The following ZNF277 variants were observed in gnomAD, a reference collection of about 807,000 sequenced individuals.
ZNF277 encodes nuclear receptor-interacting factor 4.
ZNF277 carries 55 observed loss-of-function variants against 60.7 expected under a neutral mutation model. That is an observed-to-expected ratio of 0.91 (90% CI 0.73 to 1.13). The LOEUF (loss-of-function observed/expected upper bound fraction) is 1.13. ZNF277 is among the 50% of genes most tolerant of loss of function. The pLI, the probability that ZNF277 is intolerant of heterozygous loss-of-function variation, is 0.00. For missense variants in ZNF277, 510 were observed against 523.0 expected (o/e 0.98, Z 0.24); for synonymous variants, 178 against 179.3 (o/e 0.99, Z 0.06).
At chr7:112,232,895 A>G (rs1196773323) in intron 1 of ZNF277, among the ~76,000 whole-genome samples, 2 of 152,070 alleles carry the variant, frequency 1.3e-5, no homozygotes, top group African/African-American at 4.8e-5. Flanking sequence ...TATATTTATT[A>G]TCTTCTGACC....
At chr7:112,322,157 T>C (rs1030078640) in intron 5 of ZNF277, among the ~76,000 whole-genome samples, 21 of 151,366 alleles carry the variant, frequency 1.4e-4, no homozygotes, top group African/African-American at 5.1e-4. Context: ...TTTGTCCTAC[T>C]TGAAGTTTAT....
chr7:112,335,886 C>CTTCA (rs1793319220), intron 7 of ZNF277, among the ~76,000 whole-genome samples: 1 of 152,128 alleles, frequency 6.6e-6, no homozygotes, highest in South Asian at 2.1e-4. Context: ...AAGGTTTCAA[C>CTTCA]TTCATATTGC....
chr7:112,290,339 A>T (rs936957241), intron 2 of ZNF277, among the ~76,000 whole-genome samples: 4 of 152,092 alleles, frequency 2.6e-5, no homozygotes, highest in African/African-American at 9.7e-5. Flanking sequence ...GTACTAATCA[A>T]TCTCTCTATT....
intron 4 of ZNF277, among the ~76,000 whole-genome samples, chr7:112,309,205 C>A (rs1238242395): frequency 6.6e-6 from 1 of 151,900 alleles, no homozygotes; most frequent in African/African-American, 2.4e-5. Context: ...CAAGAGTCAA[C>A]CCAAATGTCT....
intron 1 of ZNF277, among the ~76,000 whole-genome samples, chr7:112,240,179 A>G (rs1790913943): frequency 1.3e-5 from 2 of 152,222 alleles, no homozygotes; most frequent in South Asian, 4.1e-4. Context: ...GAAGACTAGA[A>G]GAAAGGAAAG....
chr7:112,218,920 A>G (rs756098250), intron 1 of ZNF277, among the ~76,000 whole-genome samples: 1 of 152,238 alleles, frequency 6.6e-6, no homozygotes, highest in Non-Finnish European at 1.5e-5. Context: ...TAATGCTGCA[A>G]TGAACATAGG....
intron 1 of ZNF277, among the ~76,000 whole-genome samples, chr7:112,256,704 C>T (rs186678392): frequency 1.3e-5 from 2 of 152,184 alleles, no homozygotes; most frequent in African/African-American, 4.8e-5. Context: ...CCTCAGCCTC[C>T]CAAAGTGCTG....
rs538901128 is a variant in ZNF277, at chr7:112,330,172, C to G, written c.757C>G (p.Pro253Ala). The G allele has an allele frequency of 1.6e-5, 26 of 1,612,840 alleles. No homozygotes were observed. The highest frequency in any genetic ancestry group is 1.9e-5 in the Non-Finnish European group (23 of 1,179,668). The change falls in exon 7 of 12, where the codon CCT becomes GCT. Residue 253 changes from proline (P) to alanine (A), a missense_variant. Physicochemically the swap from Pro to Ala is conservative, Grantham distance 27. Transcript: ENST00000361822. ...GAAAAAACAGCATCGTAAGATTAAT[C>G]CTAAGAACAGAGAATATGACAGATT... is the stretch of plus-strand genomic sequence containing the variant. The part of the protein sequence containing the change: ...MRKKQHRKIN[P>A]KNREYDRFYV...
chr7:112,285,624 C>T (rs540536369), intron 1 of ZNF277, among the ~76,000 whole-genome samples: 183 of 151,450 alleles, frequency 1.2e-3, no homozygotes, highest in Middle Eastern at 6.8e-3. Flanking sequence ...TTAGTAGAGA[C>T]GGGGTTTTAC....
rs544483159 is a variant in ZNF277, at chr7:112,218,067, G to A, written c.91+11260G>A. ...CCCAAATTTGGGGAGATTGATTTGA[G>A]TAATAATAAAACTCCAGTCTCCTGT... On this transcript the variant is annotated intron_variant, in intron 1 of 11. Coordinates refer to ENST00000361822, the MANE Select transcript of ZNF277 (RefSeq NM_021994.3). Among the ~76,000 whole-genome samples the A allele has an allele frequency of 3.9e-4, 59 of 152,240 alleles. No individual in the cohort carries two copies. In the South Asian group the frequency reaches 5.6e-3, roughly 14 times the overall value.
intron 1 of ZNF277, among the ~76,000 whole-genome samples, chr7:112,219,723 T>C (rs1821977449): frequency 6.6e-6 from 1 of 152,140 alleles, no homozygotes; most frequent in African/African-American, 2.4e-5. Context: ...GCAGCCTTGA[T>C]CTATTGGGCT....
chr7:112,305,272 G>A (rs1208893792), intron 4 of ZNF277, among the ~76,000 whole-genome samples: 1 of 152,014 alleles, frequency 6.6e-6, no homozygotes, highest in East Asian at 1.9e-4. Flanking sequence ...AAGGGGAAGG[G>A]AAGAGTTTTT....
intron 1 of ZNF277, among the ~76,000 whole-genome samples, chr7:112,226,078 G>A (rs945324296): frequency 6.6e-6 from 1 of 152,076 alleles, no homozygotes; most frequent in East Asian, 1.9e-4. Context: ...TGGGTTTCTA[G>A]TGTTCCATGG....
chr7:112,228,479 T>C (rs1038131226), intron 1 of ZNF277, among the ~76,000 whole-genome samples: 51 of 144,414 alleles, frequency 3.5e-4, no homozygotes, highest in African/African-American at 9.3e-4. Flanking sequence ...TTTTTTTTTT[T>C]TTCAAGCTGT....
chr7:112,209,982 T>C (rs10953707), intron 1 of ZNF277, among the ~76,000 whole-genome samples: 140,687 of 152,000 alleles, frequency 0.93, 65,324 homozygotes, highest in Middle Eastern at 0.98. Context: ...GAACATCACA[T>C]ACCCGGGCCT....
At chr7:112,327,647 A>G (rs1375247669) in intron 5 of ZNF277, 70 bp from the exon 6 acceptor site, 26 of 1,145,482 alleles carry the variant, frequency 2.3e-5, no homozygotes, top group Non-Finnish European at 3.1e-5. Context: ...TATTATGTGA[A>G]TGCTATTCCA....
intron 1 of ZNF277, among the ~76,000 whole-genome samples, chr7:112,255,768 T>C (rs1791294912): frequency 6.6e-6 from 1 of 152,204 alleles, no homozygotes; most frequent in Admixed American, 6.5e-5. Flanking sequence ...TGGAGTCAAA[T>C]CACTGAATAC....
At chr7:112,326,784 TATG>T (rs1358255459) in intron 5 of ZNF277, among the ~76,000 whole-genome samples, 2 of 152,102 alleles carry the variant, frequency 1.3e-5, no homozygotes, top group African/African-American at 4.8e-5. Flanking sequence ...GATAAAACCA[TATG>T]ATATGTCACT....
chr7:112,232,397 C>T (rs950208316), intron 1 of ZNF277, among the ~76,000 whole-genome samples: 11 of 152,092 alleles, frequency 7.2e-5, no homozygotes, highest in African/African-American at 2.7e-4. Context: ...ATGTCCTCTC[C>T]AGTACCTGTT....
Sources: gnomAD v4.1 joint callset for allele counts (sites outside exome capture counted in the v4.1 genomes callset) on GRCh38, gnomAD v4.1.1 for gene constraint, MANE v1.5 for transcripts, NCBI Gene and HGNC (gene_info 2026-07-23, HGNC 2026-07-21) for gene names.